CLOCK: variants seen among roughly 807,000 people sequenced by gnomAD.
The protein encoded by CLOCK is clock circadian regulator.
A neutral mutation model predicts 118.4 loss-of-function variants in CLOCK; 43 were observed. That is an observed-to-expected ratio of 0.36 (90% CI 0.28 to 0.47). The LOEUF is 0.47. CLOCK is among the 20% of genes least tolerant of loss of function. The pLI, the probability that CLOCK is intolerant of heterozygous loss-of-function variation, is 1.00. For missense variants in CLOCK, 846 were observed against 999.9 expected, an observed-to-expected ratio of 0.85 and a Z score of 2.08; for synonymous variants, 326 against 339.2, an observed-to-expected ratio of 0.96 and a Z score of 0.43.
intron 2 of CLOCK, among the ~76,000 whole-genome samples, chr4:55,502,775 A>C (rs1728524936): frequency 6.6e-6 from 1 of 152,208 alleles, no homozygotes; most frequent in Non-Finnish European, 1.5e-5. Context: ...AATACAACTG[A>C]ACAACTGAAA....
At chr4:55,504,098 C>T (rs993222210) in intron 2 of CLOCK, among the ~76,000 whole-genome samples, 2 of 146,722 alleles carry the variant, frequency 1.4e-5, no homozygotes, top group Non-Finnish European at 3.0e-5. Flanking sequence ...TCCTGGCTAA[C>T]ACAGTGAAAC....
At chr4:55,442,355 G>T in intron 21 of CLOCK, 77 bp downstream of exon 21, 3 of 1,304,016 alleles carry the variant, frequency 2.3e-6, no homozygotes, top group South Asian at 1.2e-5. Flanking sequence ...TAAAAAATTT[G>T]ATTAAGAAAT....
intron 2 of CLOCK, among the ~76,000 whole-genome samples, chr4:55,504,283 C>CCAA (rs776270965): frequency 1.9e-5 from 1 of 51,950 alleles, no homozygotes; most frequent in Admixed American, 3.1e-4. Flanking sequence ...GAGACTCCAT[C>CCAA]AAAAAAAAAA....
At chr4:55,452,262 T>C (rs1724527416) in intron 15 of CLOCK, 1 of 152,280 alleles carries the variant, frequency 6.6e-6, no homozygotes, top group Non-Finnish European at 1.5e-5. Context: ...CTGGCTCATC[T>C]TGCATGCTTG....
chr4:55,444,713 C>T lies in CLOCK; in HGVS notation c.1612G>A (p.Glu538Lys), dbSNP rs1200200735. 1 of 1,614,108 alleles carries T rather than the reference C, an allele frequency of 6.2e-7. No homozygotes were observed. The highest frequency in any genetic ancestry group is 1.7e-5 in the Admixed American group (1 of 60,020). Residue 538 changes from glutamate to lysine, a missense_variant, in exon 19 of 23, where the codon GAA becomes AAA. Around this residue, in one of 4 missense-constraint regions of CLOCK, gnomAD observed 520 missense variants for 558.0 expected, o/e 0.93. Transcript: ENST00000513440. ...TCTTGTTGCCGATGAATATTTGCTT[C>T]TATCATGCGTGTCCGTTGTTCCAAT... ...DQLEQRTRMI[E>K]ANIHRQQEEL...
At chr4:55,514,802 T>G (rs4865003) in intron 1 of CLOCK, among the ~76,000 whole-genome samples, 46,217 of 152,030 alleles carry the variant, frequency 0.3, 7,629 homozygotes, top group East Asian at 0.58. Flanking sequence ...TTGGGGATTT[T>G]TGCATTTATG....
chr4:55,438,742 T>C (rs1046571626), intron 21 of CLOCK, among the ~76,000 whole-genome samples: 2 of 152,184 alleles, frequency 1.3e-5, no homozygotes, highest in Non-Finnish European at 2.9e-5. Context: ...GCAAGATCAA[T>C]GTGTAACAAA....
chr4:55,541,950 C>CAAACAAAAAAAA (rs1731296603), intron 1 of CLOCK, among the ~76,000 whole-genome samples: 1 of 136,992 alleles, frequency 7.3e-6, no homozygotes. Context: ...CTCCCCCCAC[C>CAAACAAAAAAAA]AAAAAAAAAA....
chr4:55,439,954 A>T (rs1723216046), intron 21 of CLOCK, among the ~76,000 whole-genome samples: 1 of 152,182 alleles, frequency 6.6e-6, no homozygotes. Context: ...GTGACAATGA[A>T]CTGTATATTT....
chr4:55,500,324 T>C (rs1378013508), intron 2 of CLOCK, among the ~76,000 whole-genome samples: 1 of 152,094 alleles, frequency 6.6e-6, no homozygotes. Context: ...GGGTTTTTGT[T>C]GTTGTTTTTG....
At chr4:55,527,958 G>A (rs1730311256) in intron 1 of CLOCK, among the ~76,000 whole-genome samples, 1 of 151,774 alleles carries the variant, frequency 6.6e-6, no homozygotes, top group Non-Finnish European at 1.5e-5. Context: ...CTTTAGCCTA[G>A]GAGTTCAAGG....
At chr4:55,541,327 T>C (rs932651514) in intron 1 of CLOCK, among the ~76,000 whole-genome samples, 4 of 152,198 alleles carry the variant, frequency 2.6e-5, no homozygotes, top group Admixed American at 6.5e-5. Context: ...TATAAATAAT[T>C]CATACAACTC....
At chr4:55,495,772 T>C (rs1728028963) in intron 2 of CLOCK, among the ~76,000 whole-genome samples, 1 of 152,100 alleles carries the variant, frequency 6.6e-6, no homozygotes. Flanking sequence ...GAATTCACCA[T>C]TACTAATATC....
intron 1 of CLOCK, among the ~76,000 whole-genome samples, chr4:55,510,738 T>C (rs1729093525): frequency 6.6e-6 from 1 of 150,428 alleles, no homozygotes; most frequent in Admixed American, 6.6e-5. Flanking sequence ...AGAAAGAAAA[T>C]TTTTTGTCCA....
rs752446251 is a variant in CLOCK, at chr4:55,453,714, T to C, written c.1093A>G (p.Arg365Gly). Reference sequence around the variant, plus strand: ...TGAGTACAAACAATAAACTCTGGCCTTGAATTCCACTGATGGTAAGTGATA... The same window carrying C: ...TGAGTACAAACAATAAACTCTGGCCCTGAATTCCACTGATGGTAAGTGATA... ...YYITYHQWNSRPEFIVCTHTV... is the reference protein window; with the variant it reads ...YYITYHQWNSGPEFIVCTHTV... Residue 365 changes from arginine (R) to glycine (G), a missense_variant, in exon 14 of 23, where the codon AGG (arginine) becomes GGG (glycine). Transcript: ENST00000513440. 1.2e-6 allele frequency: 2 copies of C among 1,611,102 alleles called. No homozygotes were observed. The highest frequency in any genetic ancestry group is 1.7e-6 in the Non-Finnish European group (2 of 1,178,038).
chr4:55,517,557 T>C (rs1186780459), intron 1 of CLOCK, among the ~76,000 whole-genome samples: 2 of 152,234 alleles, frequency 1.3e-5, no homozygotes, highest in Non-Finnish European at 1.5e-5. Context: ...TATTTGCTAA[T>C]ATTTTGTTAA....
intron 17 of CLOCK, among the ~76,000 whole-genome samples, chr4:55,449,171 T>TA (rs5858334): frequency 2.3e-4 from 34 of 148,314 alleles, no homozygotes; most frequent in South Asian, 2.1e-4. Context: ...TTTCCACAAT[T>TA]AAAAAAAAAA....
At chr4:55,457,913 AG>A (rs1725029412) in intron 11 of CLOCK, among the ~76,000 whole-genome samples, 1 of 151,718 alleles carries the variant, frequency 6.6e-6, no homozygotes, top group Admixed American at 6.6e-5. Flanking sequence ...TCTAACTTAT[AG>A]GGTTGTCATA....
At chr4:55,495,762 G>A (rs62303728) in intron 2 of CLOCK, among the ~76,000 whole-genome samples, 34,856 of 151,838 alleles carry the variant, frequency 0.23, 4,564 homozygotes, top group South Asian at 0.37. Context: ...TGTTACCCCA[G>A]AATTCACCAT....
Sources: gnomAD v4.1 joint callset for allele counts (sites outside exome capture counted in the v4.1 genomes callset) on GRCh38, gnomAD v4.1.1 for gene constraint, gnomAD v4.1.1 regional missense constraint, MANE v1.5 for transcripts, NCBI Gene and HGNC (gene_info 2026-07-23, HGNC 2026-07-21) for gene names.